The following TTC29 variants were observed in gnomAD, a reference collection of about 807,000 sequenced individuals.
TTC29 encodes tetratricopeptide repeat domain 29.
Under a neutral mutation model 58.1 loss-of-function variants are expected in TTC29, and 49 were observed. The observed-to-expected ratio is 0.84, with a 90% CI of 0.67 to 1.07. The LOEUF is 1.07. Among genes scored for constraint, TTC29 ranks in the 50% least tolerant of loss-of-function variants. TTC29 has a pLI of 0.00. For missense variants in TTC29, 582 were observed against 555.6 expected, an observed-to-expected ratio of 1.05 and a Z score of -0.48; for synonymous variants, 209 against 196.8, an observed-to-expected ratio of 1.06 and a Z score of -0.52.
chr4:146,838,056 T>C (rs75809132), intron 8 of TTC29, among the ~76,000 whole-genome samples: 9,728 of 152,072 alleles, frequency 0.064, 407 homozygotes, highest in Admixed American at 0.13. Flanking sequence ...ATTGCTCCAA[T>C]AGTTTCAGTG....
At chr4:146,749,199 T>A (rs2150045449) in intron 11 of TTC29, among the ~76,000 whole-genome samples, 1 of 150,826 alleles carries the variant, frequency 6.6e-6, no homozygotes, top group Non-Finnish European at 1.5e-5. Flanking sequence ...ATGTTTGTAG[T>A]CCTCATGAGG....
chr4:146,728,807 ATATATATGTG>A (rs1254097521), intron 11 of TTC29, among the ~76,000 whole-genome samples: 5 of 129,010 alleles, frequency 3.9e-5, no homozygotes, highest in Non-Finnish European at 8.2e-5. Flanking sequence ...ATATATACAC[ATATATATGTG>A]TATATATACA....
chr4:146,920,363 C>T (rs1734499509), intron 4 of TTC29, among the ~76,000 whole-genome samples: 1 of 150,832 alleles, frequency 6.6e-6, no homozygotes, highest in South Asian at 2.1e-4. Flanking sequence ...CCCTATAATA[C>T]TTTAAACATA....
intron 11 of TTC29, among the ~76,000 whole-genome samples, chr4:146,761,557 T>C (rs1006384354): frequency 6.6e-5 from 10 of 151,878 alleles, no homozygotes; most frequent in African/African-American, 2.2e-4. Context: ...CAGAGCTAAG[T>C]GTGGGTGAAT....
chr4:146,905,427 G>GT (rs929481545), intron 5 of TTC29, among the ~76,000 whole-genome samples: 227 of 141,956 alleles, frequency 1.6e-3, no homozygotes, highest in Admixed American at 4.2e-3. Context: ...ATTTCATAAG[G>GT]TTTTTTTTTT....
chr4:146,769,060 A>T (rs780314783), intron 11 of TTC29, among the ~76,000 whole-genome samples: 1 of 151,994 alleles, frequency 6.6e-6, no homozygotes, highest in East Asian at 1.9e-4. Context: ...ACAGAAATTA[A>T]CCTATTAACT....
chr4:146,779,730 C>T (rs945216862), intron 11 of TTC29, among the ~76,000 whole-genome samples: 1 of 152,124 alleles, frequency 6.6e-6, no homozygotes, highest in African/African-American at 2.4e-5. Context: ...GCTCTCAACT[C>T]CTGGTGAAAC....
chr4:146,766,404 C>T (rs1179179535), intron 11 of TTC29, among the ~76,000 whole-genome samples: 2 of 152,028 alleles, frequency 1.3e-5, no homozygotes, highest in Non-Finnish European at 2.9e-5. Context: ...CCAATTGGTA[C>T]TCTCAAATAT....
chr4:146,853,136 T>C (rs1561189574), intron 8 of TTC29, among the ~76,000 whole-genome samples: 1 of 152,130 alleles, frequency 6.6e-6, no homozygotes, highest in Non-Finnish European at 1.5e-5. Flanking sequence ...ATAGTTTACT[T>C]TTTAAGTAGT....
rs1400216546 is a variant in TTC29 at position 146,737,589 on chromosome 4, C to CCG, written c.1331-30039_1331-30038insCG. On this transcript the variant is annotated intron_variant, in intron 11 of 12. Transcript: ENST00000325106. ...GCAAGTGAGGCTGATGCTAGTAGCC[C>CCG]TGGGGGGGGGGGGGCTACAAACGGG... Among the ~76,000 whole-genome samples the CCG allele has an allele frequency of 1.4e-4, 4 of 28,492 alleles. No individual in the cohort carries two copies. The South Asian group carries it at 5.3e-3, about 38-fold the overall frequency. 18.7% of individuals were successfully genotyped at this position (28,492 alleles called of 152,430 possible).
intron 10 of TTC29, among the ~76,000 whole-genome samples, chr4:146,807,244 TAG>T (rs1255588220): frequency 1.3e-5 from 2 of 152,098 alleles, no homozygotes; most frequent in African/African-American, 4.8e-5. Flanking sequence ...AAGCAGTGTG[TAG>T]AGAGAAATTT....
intron 11 of TTC29, among the ~76,000 whole-genome samples, chr4:146,773,653 G>T (rs952999994): frequency 2.0e-5 from 3 of 151,920 alleles, no homozygotes; most frequent in Non-Finnish European, 2.9e-5. Context: ...ATTTTGTTGT[G>T]GATTTTTACA....
chr4:146,878,059 T>G (rs745698104), intron 6 of TTC29, among the ~76,000 whole-genome samples: 6 of 152,096 alleles, frequency 3.9e-5, no homozygotes. Context: ...TCCTCTGTGT[T>G]ACCTTACTGA....
rs149123501 is a variant in TTC29 at position 146,917,085 on chromosome 4, A to T, written c.177-7836T>A. On this transcript the variant is annotated intron_variant, in intron 4 of 12. Coordinates refer to ENST00000325106, the MANE Select transcript of TTC29 (RefSeq NM_031956.4). Reference sequence around the variant, plus strand: ...AAACAAATCATTTTGTATCTCATACATCCACCAATCATAAATAATATGACT... The same window carrying T: ...AAACAAATCATTTTGTATCTCATACTTCCACCAATCATAAATAATATGACT... 4.0e-5 allele frequency among the ~76,000 whole-genome samples: 6 copies of T among 151,328 alleles called. No individual in the cohort carries two copies. The East Asian group carries it at 9.6e-4, about 24-fold the overall frequency.
chr4:146,817,790 G>C (rs1438726167), intron 10 of TTC29, among the ~76,000 whole-genome samples: 3 of 152,060 alleles, frequency 2.0e-5, no homozygotes, highest in Non-Finnish European at 4.4e-5. Context: ...GTATCTACAA[G>C]TATCTGATCT....
At chr4:146,803,203 A>G (rs1750355342) in intron 11 of TTC29, among the ~76,000 whole-genome samples, 1 of 149,184 alleles carries the variant, frequency 6.7e-6, no homozygotes, top group Non-Finnish European at 1.5e-5. Flanking sequence ...ATAACTGGTG[A>G]AAAAAAAAAC....
At chr4:146,810,849 C>T (rs1454764539) in intron 10 of TTC29, among the ~76,000 whole-genome samples, 3 of 151,806 alleles carry the variant, frequency 2.0e-5, no homozygotes, top group Non-Finnish European at 4.4e-5. Context: ...GCCTCCGCTT[C>T]CCAAAGTGCT....
chr4:146,721,087 T>G (rs2150005040), intron 11 of TTC29, among the ~76,000 whole-genome samples: 1 of 152,086 alleles, frequency 6.6e-6, no homozygotes, highest in Non-Finnish European at 1.5e-5. Flanking sequence ...AGAAATGAGG[T>G]TTTTATGTAC....
chr4:146,878,971 C>T (rs1359630314), intron 6 of TTC29, among the ~76,000 whole-genome samples: 1 of 152,120 alleles, frequency 6.6e-6, no homozygotes, highest in African/African-American at 2.4e-5. Context: ...TTTCCCCTTG[C>T]TTCACCATTT....
Sources: gnomAD v4.1 joint callset for allele counts (sites outside exome capture counted in the v4.1 genomes callset) on GRCh38, gnomAD v4.1.1 for gene constraint, MANE v1.5 for transcripts, NCBI Gene and HGNC (gene_info 2026-07-23, HGNC 2026-07-21) for gene names.